Variants in ALKBH8 observed in about 807,000 individuals in gnomAD.
ALKBH8 encodes the protein alkB homolog 8, tRNA methyltransferase.
ALKBH8 carries 36 observed loss-of-function variants against 59.8 expected under a neutral mutation model. That is an observed-to-expected ratio of 0.60 (90% CI 0.46 to 0.79). The LOEUF is 0.79. ALKBH8 is among the 30% of genes least tolerant of loss of function. The pLI is 0.00. For synonymous variants in ALKBH8, 276 were observed against 273.6 expected, an observed-to-expected ratio of 1.01 and a Z score of -0.09; for missense variants, 768 against 801.0, an observed-to-expected ratio of 0.96 and a Z score of 0.50.
chr11:107,562,716 GAGGC>G (rs943843702), intron 1 of ALKBH8: 17 of 152,338 alleles, frequency 1.1e-4, no homozygotes, highest in African/African-American at 3.8e-4. Flanking sequence ...TAAGGCCAGT[GAGGC>G]AGGCAGGCTG....
intron 10 of ALKBH8, among the ~76,000 whole-genome samples, chr11:107,519,624 T>C (rs972711425): frequency 2.0e-5 from 3 of 152,204 alleles, no homozygotes; most frequent in African/African-American, 7.2e-5. Context: ...GATTTTGGAA[T>C]ATCTGCAGAA....
chr11:107,551,711 T>A (rs60431822), intron 6 of ALKBH8, 97 bp downstream of exon 6: 72,459 of 292,142 alleles, frequency 0.25, 9,473 homozygotes, highest in African/African-American at 0.29. Flanking sequence ...AAAAAAATAA[T>A]AATAATAATA....
chr11:107,528,330 GTAGGAGAA>G (rs1863436365), intron 8 of ALKBH8, among the ~76,000 whole-genome samples: 1 of 152,018 alleles, frequency 6.6e-6, no homozygotes, highest in African/African-American at 2.4e-5. Flanking sequence ...ATAAAACAAA[GTAGGAGAA>G]TGGCTTTTTT....
intron 10 of ALKBH8, among the ~76,000 whole-genome samples, chr11:107,517,349 A>T (rs537831274): frequency 6.6e-6 from 1 of 152,330 alleles, no homozygotes; most frequent in Non-Finnish European, 1.5e-5. Context: ...TAGGGAAAAC[A>T]GTATGGAAGC....
chr11:107,532,609 A>C (rs1231999982), intron 7 of ALKBH8, among the ~76,000 whole-genome samples: 4 of 152,222 alleles, frequency 2.6e-5, no homozygotes, highest in Admixed American at 2.0e-4. Context: ...TATTTCATCC[A>C]CAGAGATTCA....
chr11:107,519,748 G>A (rs761970224), intron 10 of ALKBH8, among the ~76,000 whole-genome samples: 7 of 151,978 alleles, frequency 4.6e-5, no homozygotes, highest in Non-Finnish European at 8.8e-5. Context: ...TGTAGCATTC[G>A]AGATTTCAAA....
At chr11:107,550,675 T>C (rs1168610403) in intron 6 of ALKBH8, among the ~76,000 whole-genome samples, 2 of 152,232 alleles carry the variant, frequency 1.3e-5, no homozygotes, top group African/African-American at 4.8e-5. Flanking sequence ...GCCATCAGTT[T>C]TCATTATAAT....
At chr11:107,564,410 T>C (rs982081895) in intron 1 of ALKBH8, among the ~76,000 whole-genome samples, 1 of 152,128 alleles carries the variant, frequency 6.6e-6, no homozygotes, top group Non-Finnish European at 1.5e-5. Context: ...AACCTAATAA[T>C]TAATAGCAAA....
Position 107,522,303 on chromosome 11 carries a change from T to C in ALKBH8, c.1283A>G (p.Tyr428Cys). Residue 428 changes from tyrosine (Y) to cysteine (C), a missense_variant, in exon 10 of 12, where the codon TAT becomes TGT. Tyr to Cys is a radical substitution (Grantham distance 194, BLOSUM62 -2). Coordinates refer to ENST00000428149, the MANE Select transcript of ALKBH8 (RefSeq NM_138775.3). ...GTCAAAAGCAACATTACTTGCCATA[T>C]ATAACTCCTTATTGATGCCAAGATA... is the stretch of plus-strand genomic sequence containing the variant. Reference protein sequence around the residue: ...GKYLGINKELYMIGCDRSQNL... With the variant: ...GKYLGINKELCMIGCDRSQNL... 3 of 1,551,630 alleles carry C rather than the reference T, an allele frequency of 1.9e-6. No individual in the cohort carries two copies. Among genetic ancestry groups the C allele is most frequent in the East Asian group, 2.4e-5 (1 of 40,916 alleles).
At chr11:107,541,968 G>A (rs558977715) in intron 7 of ALKBH8, among the ~76,000 whole-genome samples, 193 of 152,182 alleles carry the variant, frequency 1.3e-3, no homozygotes, top group South Asian at 9.5e-3. Flanking sequence ...ACTGAAATTA[G>A]GATATCAATG....
intron 10 of ALKBH8, among the ~76,000 whole-genome samples, chr11:107,515,128 T>C (rs747107073): frequency 2.0e-5 from 3 of 152,186 alleles, no homozygotes; most frequent in African/African-American, 7.2e-5. Flanking sequence ...CCATATACTA[T>C]AGTCATGCAG....
At chr11:107,509,207 T>G (rs1357787231) in intron 11 of ALKBH8, among the ~76,000 whole-genome samples, 1 of 152,186 alleles carries the variant, frequency 6.6e-6, no homozygotes, top group Non-Finnish European at 1.5e-5. Context: ...GCCATCCTAA[T>G]GTATGTGAAG....
intron 1 of ALKBH8, among the ~76,000 whole-genome samples, chr11:107,561,851 G>A (rs1864951795): frequency 6.6e-6 from 1 of 152,172 alleles, no homozygotes; most frequent in Non-Finnish European, 1.5e-5. Context: ...TCAGCACCCT[G>A]CAGCATGCAA....
intron 1 of ALKBH8, chr11:107,565,282 A>C (rs1865086249): frequency 4.2e-6 from 2 of 472,342 alleles, no homozygotes; most frequent in Admixed American, 3.6e-5. Context: ...GTCACCGGTC[A>C]GAAAAGCCCC....
chr11:107,540,919 G>A (rs575587010), intron 7 of ALKBH8, among the ~76,000 whole-genome samples: 1 of 152,256 alleles, frequency 6.6e-6, no homozygotes, highest in South Asian at 2.1e-4. Context: ...CATAAATAAT[G>A]TATTTTTACA....
Position 107,532,539 on chromosome 11 carries a change from T to C in ALKBH8, c.772-133A>G, listed in dbSNP as rs532694672. On this transcript the variant is annotated intron_variant, in intron 7 of 11. Transcript: ENST00000428149. ...ACATAATAATGCTTGCAGAAAAGCA[T>C]AGCACAGTGGTTCTCAAACTTTACT... The C allele has an allele frequency of 8.2e-5, 55 of 667,120 alleles. No homozygotes were observed. The African/African-American group carries it at 8.5e-4, about 10-fold the overall frequency. The allele number at this position is 667,120 out of a possible 1,614,324, so 41.3% of individuals were successfully genotyped here.
chr11:107,548,187 A>C (rs1168361805), intron 7 of ALKBH8, among the ~76,000 whole-genome samples: 1 of 152,174 alleles, frequency 6.6e-6, no homozygotes, highest in Admixed American at 6.5e-5. Context: ...GGTTTGTAGG[A>C]GCTAACACAT....
At chr11:107,552,834 C>A (rs543757522) in intron 5 of ALKBH8, among the ~76,000 whole-genome samples, 2 of 151,948 alleles carry the variant, frequency 1.3e-5, no homozygotes, top group African/African-American at 4.8e-5. Flanking sequence ...AAATGTCTAT[C>A]GATAGAGAAC....
chr11:107,529,366 T>C (rs928332400), intron 8 of ALKBH8, among the ~76,000 whole-genome samples: 1 of 152,228 alleles, frequency 6.6e-6, no homozygotes, highest in Non-Finnish European at 1.5e-5. Flanking sequence ...GCCAGTCAGA[T>C]GGCATAAATA....
Sources: gnomAD v4.1 joint callset for allele counts (sites outside exome capture counted in the v4.1 genomes callset) on GRCh38, gnomAD v4.1.1 for gene constraint, MANE v1.5 for transcripts, NCBI Gene and HGNC (gene_info 2026-07-23, HGNC 2026-07-21) for gene names.